Variants in KCNQ1 observed in about 807,000 individuals in gnomAD.
KCNQ1 encodes the protein potassium voltage-gated channel subfamily Q member 1.
In KCNQ1, 49 loss-of-function variants were observed where a neutral mutation model predicts 72.4. The ratio of observed to expected loss-of-function variants is 0.68; its 90% CI spans 0.54 to 0.86. The LOEUF is 0.86. Among genes scored for constraint, KCNQ1 ranks in the 40% least tolerant of loss-of-function variants. KCNQ1 has a pLI of 0.00. For synonymous variants in KCNQ1, 450 were observed against 412.6 expected, an observed-to-expected ratio of 1.09 and a Z score of -1.10; for missense variants, 790 against 945.1, an observed-to-expected ratio of 0.84 and a Z score of 2.15.
rs1475007692 is a variant in KCNQ1, at chr11:2,508,946, C to T, written c.387-18982C>T. On this transcript the variant is annotated intron_variant, in intron 1 of 15. Coordinates refer to ENST00000155840, the MANE Select transcript of KCNQ1 (RefSeq NM_000218.3). The surrounding 1 kb of genome is among the most constrained non-coding windows in gnomAD (Gnocchi z 6.2). ...ACAGAGGCAAACGAAGAATGTAGAGCTCCAGCTGGATGAGGGCCGTGGGGA... is the reference window on the plus strand; with the variant it reads ...ACAGAGGCAAACGAAGAATGTAGAGTTCCAGCTGGATGAGGGCCGTGGGGA... Among the ~76,000 whole-genome samples the T allele has an allele frequency of 6.6e-6, 1 of 152,206 alleles. No homozygotes were observed. Among genetic ancestry groups the T allele is most frequent in the Non-Finnish European group, 1.5e-5 (1 of 68,034 alleles).
At position 2,678,189 on chromosome 11, in the gene KCNQ1, T is replaced by C. The variant is rs1427016747; in HGVS notation, c.1514+16108T>C. On this transcript the variant is annotated intron_variant, in intron 11 of 15. Transcript: ENST00000155840. This position sits in a 1 kb window ranked among gnomAD's most constrained non-coding sequence, Gnocchi z 4.9. ...TAATATTTTTCTGGTGGCAGAATTTTTTTAATTTCACATAGTCAGCTGTGT... is the reference window on the plus strand; with the variant it reads ...TAATATTTTTCTGGTGGCAGAATTTCTTTAATTTCACATAGTCAGCTGTGT... 1 of 398,276 alleles carries C rather than the reference T, an allele frequency of 2.5e-6. No homozygotes were observed. The highest frequency in any genetic ancestry group is 4.4e-6 in the Non-Finnish European group (1 of 225,972). 24.7% of individuals were successfully genotyped at this position (398,276 alleles called of 1,614,324 possible).
At chr11:2,838,518 G>T (rs1365181891) in intron 15 of KCNQ1, among the ~76,000 whole-genome samples, 1 of 152,168 alleles carries the variant, frequency 6.6e-6, no homozygotes, top group Non-Finnish European at 1.5e-5. Context: ...GGGAAGGGAG[G>T]CGAGAGGAAG....
At position 2,801,468 on chromosome 11, in the gene KCNQ1, G is replaced by A. The variant is rs111870919; in HGVS notation, c.1794+23431G>A. Among the ~76,000 whole-genome samples, 1,114 of 152,320 alleles carry A rather than the reference G, an allele frequency of 7.3e-3. 15 individuals carry two copies. The highest frequency in any genetic ancestry group is 0.025 in the African/African-American group (1,049 of 41,552). On this transcript the variant is annotated intron_variant, in intron 15 of 15. Coordinates refer to ENST00000155840, the MANE Select transcript of KCNQ1 (RefSeq NM_000218.3). ...CCGAGAGCAAGGTTGTGGAAGGGTC[G>A]GCTCCTGGTGAGGGCCCTCTTCCTG...
At position 2,536,019 on chromosome 11, in the gene KCNQ1, C is replaced by G. The variant is rs1013341927; in HGVS notation, c.477+8001C>G. Among the ~76,000 whole-genome samples, 1 of 152,162 alleles carries G rather than the reference C, an allele frequency of 6.6e-6. No homozygotes were observed. Among genetic ancestry groups the G allele is most frequent in the Non-Finnish European group, 1.5e-5 (1 of 68,014 alleles). On this transcript the variant is annotated intron_variant, in intron 2 of 15. Coordinates refer to ENST00000155840, the MANE Select transcript of KCNQ1 (RefSeq NM_000218.3). This position sits in a 1 kb window ranked among gnomAD's most constrained non-coding sequence, Gnocchi z 7.4. ...ATGAAGACCCGGTGGTTCTGTTCCC[C>G]CGGGACAGCCTTGGTCCAGCCTCAC...
rs1418654252 is a variant in KCNQ1, at chr11:2,451,487, C to T, written c.386+6003C>T. 2.0e-5 allele frequency among the ~76,000 whole-genome samples: 3 copies of T among 152,180 alleles called. No individual in the cohort carries two copies. Among genetic ancestry groups the T allele is most frequent in the Non-Finnish European group, 4.4e-5 (3 of 68,038 alleles). On this transcript the variant is annotated intron_variant, in intron 1 of 15. Coordinates refer to ENST00000155840, the MANE Select transcript of KCNQ1 (RefSeq NM_000218.3). The surrounding 1 kb of genome is among the most constrained non-coding windows in gnomAD (Gnocchi z 6.4). ...GGATTGAGGCTCGGGGCCATGGGAT[C>T]GGCACTGTCATTGCCCTTGGAGGGT... is the stretch of plus-strand genomic sequence containing the variant.
Position 2,687,773 on chromosome 11 carries a change from C to G in KCNQ1, c.1514+25692C>G. The G allele has an allele frequency of 2.5e-6, 1 of 398,740 alleles. No individual in the cohort carries two copies. Among genetic ancestry groups the G allele is most frequent in the Non-Finnish European group, 4.4e-6 (1 of 226,176 alleles). The allele number at this position is 398,740 out of a possible 1,614,324, so 24.7% of individuals were successfully genotyped here. On this transcript the variant is annotated intron_variant, in intron 11 of 15. Transcript: ENST00000155840. This position sits in a 1 kb window ranked among gnomAD's most constrained non-coding sequence, Gnocchi z 5.0. ...CTGAGAAGAGGAGCCCCTTAGCAGG[C>G]CTAACCACACCCCTAAGCCACCCAG...
intron 11 of KCNQ1, among the ~76,000 whole-genome samples, chr11:2,751,478 C>T (rs554104383): frequency 7.9e-5 from 12 of 152,258 alleles, no homozygotes; most frequent in Admixed American, 5.9e-4. Flanking sequence ...TCTCTCCTGA[C>T]GCGGGGACTT....
chr11:2,607,089 A>C (rs1255428518), intron 10 of KCNQ1, among the ~76,000 whole-genome samples: 1 of 151,198 alleles, frequency 6.6e-6, no homozygotes, highest in Non-Finnish European at 1.5e-5. Context: ...ATTTTTAGTA[A>C]AGACGGGGTT....
chr11:2,570,335 G>A (rs1421770747), intron 2 of KCNQ1, among the ~76,000 whole-genome samples: 1 of 152,234 alleles, frequency 6.6e-6, no homozygotes, highest in Non-Finnish European at 1.5e-5. Context: ...GGCCCCCTCT[G>A]GCCAAGGCTG....
rs1383035176 is a variant in KCNQ1, at chr11:2,620,211, A to ATATATATATATATAT, written c.1393+31358_1393+31359insATATATATATATATT. 2.0e-5 allele frequency: 5 copies of ATATATATATATATAT among 252,756 alleles called. No homozygotes were observed. Among genetic ancestry groups the ATATATATATATATAT allele is most frequent in the African/African-American group, 1.3e-4 (5 of 37,828 alleles). 15.7% of individuals were successfully genotyped at this position (252,756 alleles called of 1,614,324 possible). On this transcript the variant is annotated intron_variant, in intron 10 of 15. Coordinates refer to ENST00000155840, the MANE Select transcript of KCNQ1 (RefSeq NM_000218.3). The surrounding 1 kb of genome is among the most constrained non-coding windows in gnomAD (Gnocchi z 4.5). ...TAAGTTCATTCATGTATATATATAT[A>ATATATATATATATAT]TTTTTTTTTTTTATTTTTTTTTTAG...
At chr11:2,780,648 A>G (rs902654906) in intron 15 of KCNQ1, among the ~76,000 whole-genome samples, 4 of 152,194 alleles carry the variant, frequency 2.6e-5, no homozygotes, top group African/African-American at 7.2e-5. Flanking sequence ...CCATAGGATG[A>G]GAGGTCTCCG....
intron 10 of KCNQ1, chr11:2,630,314 AT>A: frequency 2.5e-6 from 1 of 398,244 alleles, no homozygotes; most frequent in Non-Finnish European, 4.4e-6. Context: ...CAGTTTGATC[AT>A]ATTTTGTTGA....
At position 2,691,211 on chromosome 11, in the gene KCNQ1, G is replaced by A. The variant is rs1274150474; in HGVS notation, c.1514+29130G>A. On this transcript the variant is annotated intron_variant, in intron 11 of 15. Coordinates refer to ENST00000155840, the MANE Select transcript of KCNQ1 (RefSeq NM_000218.3). The surrounding 1 kb of genome is among the most constrained non-coding windows in gnomAD (Gnocchi z 6.4). ...CTCAGCTGTGTTTAAAAATTAGCAA[G>A]TGGAGGAGTTAGAGGATCTGCAGTT... 4 of 398,564 alleles carry A rather than the reference G, an allele frequency of 1.0e-5. No individual in the cohort carries two copies. Among genetic ancestry groups the A allele is most frequent in the East Asian group, 7.1e-5 (2 of 28,086 alleles). 24.7% of individuals were successfully genotyped at this position (398,564 alleles called of 1,614,324 possible).
At chr11:2,662,428 C>G (rs1198530937) in intron 11 of KCNQ1, 1 of 303,564 alleles carries the variant, frequency 3.3e-6, no homozygotes, top group African/African-American at 2.2e-5. Context: ...TTTAGCATTT[C>G]CCCATGGAAC....
rs527375264 is a variant in KCNQ1 at position 2,713,223 on chromosome 11, C to T, written c.1514+51142C>T. ...TGGAGCCCCTACTTGCTTGGTGTCCCGAGCCAGCCGGACCTGCATCCCGCT... is the reference window on the plus strand; with the variant it reads ...TGGAGCCCCTACTTGCTTGGTGTCCTGAGCCAGCCGGACCTGCATCCCGCT... On this transcript the variant is annotated intron_variant, in intron 11 of 15. Coordinates refer to ENST00000155840, the MANE Select transcript of KCNQ1 (RefSeq NM_000218.3). This position sits in a 1 kb window ranked among gnomAD's most constrained non-coding sequence, Gnocchi z 5.6. 6.6e-5 allele frequency among the ~76,000 whole-genome samples: 10 copies of T among 152,160 alleles called. No individual in the cohort carries two copies. In the South Asian group the frequency reaches 8.3e-4, roughly 13 times the overall value.
At chr11:2,836,086 G>A (rs979142640) in intron 15 of KCNQ1, among the ~76,000 whole-genome samples, 10 of 152,138 alleles carry the variant, frequency 6.6e-5, no homozygotes, top group Non-Finnish European at 1.2e-4. Flanking sequence ...CGGGGGTGGG[G>A]GTCAGGACCT....
rs1848262362 is a variant in KCNQ1 at position 2,567,329 on chromosome 11, G to A, written c.478-3299G>A. Among the ~76,000 whole-genome samples, 1 of 152,150 alleles carries A rather than the reference G, an allele frequency of 6.6e-6. No individual in the cohort carries two copies. Among genetic ancestry groups the A allele is most frequent in the Non-Finnish European group, 1.5e-5 (1 of 68,012 alleles). On this transcript the variant is annotated intron_variant, in intron 2 of 15. Coordinates refer to ENST00000155840, the MANE Select transcript of KCNQ1 (RefSeq NM_000218.3). This position sits in a 1 kb window ranked among gnomAD's most constrained non-coding sequence, Gnocchi z 6.6. ...CTGGGGCATCACCCACCTGGGGTCTGGACTGCTGGAACCAGGGGGAGGCAG... is the reference window on the plus strand; with the variant it reads ...CTGGGGCATCACCCACCTGGGGTCTAGACTGCTGGAACCAGGGGGAGGCAG...
Position 2,691,204 on chromosome 11 carries a change from T to A in KCNQ1, c.1514+29123T>A, listed in dbSNP as rs2133892165. 2.5e-6 allele frequency: 1 copy of A among 398,556 alleles called. No individual in the cohort carries two copies. Among genetic ancestry groups the A allele is most frequent in the East Asian group, 3.6e-5 (1 of 28,074 alleles). The allele number at this position is 398,556 out of a possible 1,614,324, so 24.7% of individuals were successfully genotyped here. A position where few individuals can be genotyped will look rare whatever the true frequency, so the allele number is the denominator to read the frequency against. On this transcript the variant is annotated intron_variant, in intron 11 of 15. Transcript: ENST00000155840. This position sits in a 1 kb window ranked among gnomAD's most constrained non-coding sequence, Gnocchi z 6.4. Reference sequence around the variant, plus strand: ...CTCAGAGCTCAGCTGTGTTTAAAAATTAGCAAGTGGAGGAGTTAGAGGATC... The same window carrying A: ...CTCAGAGCTCAGCTGTGTTTAAAAAATAGCAAGTGGAGGAGTTAGAGGATC...
rs11023072 is a variant in KCNQ1 at position 2,499,533 on chromosome 11, C to A, written c.387-28395C>A. On this transcript the variant is annotated intron_variant, in intron 1 of 15. Transcript: ENST00000155840. Reference sequence around the variant, plus strand: ...GTGGTTGAATGGACCCCTGCCCCCACAAAAAAAGACCCAATTATCTGTTGC... The same window carrying A: ...GTGGTTGAATGGACCCCTGCCCCCAAAAAAAAAGACCCAATTATCTGTTGC... Among the ~76,000 whole-genome samples, 285 of 129,126 alleles carry A rather than the reference C, an allele frequency of 2.2e-3. 5 individuals are homozygous for A. The highest frequency in any genetic ancestry group is 5.6e-3 in the East Asian group (23 of 4,108). 84.7% of individuals were successfully genotyped at this position (129,126 alleles called of 152,430 possible). A position where few individuals can be genotyped will look rare whatever the true frequency, so the allele number is the denominator to read the frequency against.
Sources: gnomAD v4.1 joint callset for allele counts (sites outside exome capture counted in the v4.1 genomes callset) on GRCh38, gnomAD v4.1.1 for gene constraint, Gnocchi (gnomAD v3.1) non-coding constraint, MANE v1.5 for transcripts, NCBI Gene and HGNC (gene_info 2026-07-23, HGNC 2026-07-21) for gene names.